Variants in CFAP263 observed in about 807,000 individuals in gnomAD.
The protein encoded by CFAP263 is cilia- and flagella-associated protein 263.
chr16:58,266,395 ATATATATATATTTTTT>A, the CFAP263 span, among the ~76,000 whole-genome samples: 1 of 36,486 alleles, frequency 2.7e-5, no homozygotes, highest in East Asian at 6.3e-4. Context: ...ATATATATAT[ATATATATATATTTTTT>A]TTTTTTTTTT....
chr16:58,277,651 G>A, the CFAP263 span, among the ~76,000 whole-genome samples: 1 of 152,158 alleles, frequency 6.6e-6, no homozygotes, highest in African/African-American at 2.4e-5. Flanking sequence ...TAGCCAAGAA[G>A]TGGAAGCAAC....
the CFAP263 span, among the ~76,000 whole-genome samples, chr16:58,251,999 A>G: frequency 2.4e-5 from 3 of 123,376 alleles, no homozygotes; most frequent in Admixed American, 1.8e-4. Flanking sequence ...TCTATTGGGT[A>G]CTGAAAATAA....
the CFAP263 span, among the ~76,000 whole-genome samples, chr16:58,255,004 G>A: frequency 1.3e-5 from 2 of 152,172 alleles, no homozygotes; most frequent in East Asian, 1.9e-4. Flanking sequence ...ATATATGAAA[G>A]GGAGTTAATT....
the CFAP263 span, chr16:58,280,134 C>G: frequency 3.7e-6 from 5 of 1,349,766 alleles, no homozygotes; most frequent in African/African-American, 1.5e-5. Context: ...CAGTGTGCAA[C>G]TATCAAAAAC....
the CFAP263 span, among the ~76,000 whole-genome samples, chr16:58,253,634 C>T: frequency 1.3e-5 from 2 of 152,230 alleles, no homozygotes; most frequent in Non-Finnish European, 2.9e-5. Context: ...CAGTCCCCCA[C>T]GGATGCAGTT....
the CFAP263 span, chr16:58,249,998 G>A: frequency 6.5e-7 from 1 of 1,544,426 alleles, no homozygotes; most frequent in Non-Finnish European, 8.8e-7. Flanking sequence ...ATTGGCAGGG[G>A]CCGCTTCGGC....
chr16:58,255,843 G>T, the CFAP263 span, among the ~76,000 whole-genome samples: 2 of 151,982 alleles, frequency 1.3e-5, no homozygotes, highest in Non-Finnish European at 2.9e-5. Flanking sequence ...GATTACAGGC[G>T]TGAGCCATCG....
chr16:58,264,249 T>C, the CFAP263 span, among the ~76,000 whole-genome samples: 20 of 152,282 alleles, frequency 1.3e-4, no homozygotes, highest in East Asian at 5.8e-4. Context: ...CTTGATCACA[T>C]TGGACCTCGA....
the CFAP263 span, among the ~76,000 whole-genome samples, chr16:58,274,276 AC>A: frequency 1.3e-5 from 2 of 152,156 alleles, no homozygotes; most frequent in African/African-American, 4.8e-5. Flanking sequence ...ACTTGCTGCT[AC>A]TAACATTATG....
chr16:58,282,871 T>G, the CFAP263 span: 1 of 152,288 alleles, frequency 6.6e-6, no homozygotes, highest in East Asian at 1.9e-4. Flanking sequence ...GATGAGTGAT[T>G]GGTAGATGTC....
the CFAP263 span, among the ~76,000 whole-genome samples, chr16:58,267,310 C>G: frequency 3.9e-5 from 6 of 152,166 alleles, no homozygotes; most frequent in African/African-American, 9.6e-5. Flanking sequence ...TCTCCTCCCC[C>G]ACCAGTTCTC....
the CFAP263 span, among the ~76,000 whole-genome samples, chr16:58,267,860 A>G: frequency 6.6e-6 from 1 of 152,170 alleles, no homozygotes; most frequent in Non-Finnish European, 1.5e-5. Flanking sequence ...GAATTCCTTA[A>G]GTGACCCATA....
At chr16:58,270,341 TG>T in the CFAP263 span, among the ~76,000 whole-genome samples, 11 of 152,332 alleles carry the variant, frequency 7.2e-5, no homozygotes, top group Middle Eastern at 6.8e-3. Flanking sequence ...ACACAAAGTC[TG>T]TTTTATAATA....
chr16:58,254,104 A>T, the CFAP263 span: 14 of 1,614,242 alleles, frequency 8.7e-6, no homozygotes, highest in South Asian at 1.5e-4. Flanking sequence ...GCGGACATGA[A>T]GGATGACTTA....
At chr16:58,257,193 A>T in the CFAP263 span, among the ~76,000 whole-genome samples, 169 of 121,528 alleles carry the variant, frequency 1.4e-3, 11 homozygotes, top group East Asian at 7.7e-3. Context: ...AATTTTTTGT[A>T]TTTTTAGTAG....
At chr16:58,280,802 TTTGTTGTAAATCTATCC>T in the CFAP263 span, 3 of 1,521,278 alleles carry the variant, frequency 2.0e-6, no homozygotes, top group Non-Finnish European at 2.7e-6. Context: ...AAAACTAGTT[TTTGTTGTAAATCTATCC>T]TTGTGCAATA....
At chr16:58,268,963 A>G in the CFAP263 span, among the ~76,000 whole-genome samples, 2 of 152,208 alleles carry the variant, frequency 1.3e-5, no homozygotes, top group African/African-American at 4.8e-5. Context: ...ATATATTCAC[A>G]GAGTTGTGTA....
At chr16:58,265,363 G>A in the CFAP263 span, among the ~76,000 whole-genome samples, 1 of 152,232 alleles carries the variant, frequency 6.6e-6, no homozygotes, top group Admixed American at 6.5e-5. Context: ...GGAAGTCATA[G>A]ATGTGAAGCA....
At chr16:58,258,411 G>A in the CFAP263 span, 52 of 1,613,928 alleles carry the variant, frequency 3.2e-5, no homozygotes, top group Non-Finnish European at 4.4e-5. Context: ...GAAGTTTCGA[G>A]AGAAGTGCAT....
Sources: allele counts gnomAD v4.1 joint callset (sites outside exome capture counted in the v4.1 genomes callset), GRCh38; gene constraint gnomAD v4.1.1; transcripts MANE v1.5; gene names NCBI Gene and HGNC (gene_info 2026-07-23, HGNC 2026-07-21).